The following AGAP1 variants were observed in gnomAD, a reference collection of about 807,000 sequenced individuals.
AGAP1 encodes the protein arf-GAP with GTPase, ANK repeat and PH domain-containing protein 1.
A neutral mutation model predicts 105.3 loss-of-function variants in AGAP1; 29 were observed. The ratio of observed to expected loss-of-function variants is 0.28; its 90% CI spans 0.21 to 0.38. AGAP1 has a LOEUF of 0.38. AGAP1 is among the 10% of genes least tolerant of loss of function. The pLI is 1.00. For synonymous variants in AGAP1, 509 were observed against 485.9 expected, an observed-to-expected ratio of 1.05 and a Z score of -0.63; for missense variants, 998 against 1,165.1, an observed-to-expected ratio of 0.86 and a Z score of 2.09.
At chr2:235,903,175 A>G (rs1019976110) in intron 10 of AGAP1, among the ~76,000 whole-genome samples, 7 of 152,218 alleles carry the variant, frequency 4.6e-5, no homozygotes, top group Admixed American at 3.9e-4. Flanking sequence ...ATACATGTAC[A>G]GTTATAAACT....
chr2:235,530,622 C>T (rs1301268805), intron 1 of AGAP1, among the ~76,000 whole-genome samples: 6 of 152,164 alleles, frequency 3.9e-5, no homozygotes, highest in African/African-American at 9.7e-5. Context: ...TAGCATCTTC[C>T]GATCTCTTCT....
chr2:236,041,952 C>T (rs1285453991), intron 15 of AGAP1, among the ~76,000 whole-genome samples: 1 of 152,106 alleles, frequency 6.6e-6, no homozygotes, highest in Non-Finnish European at 1.5e-5. Flanking sequence ...AAGGGAGTGG[C>T]TTGAGGAGAG....
chr2:235,823,699 T>A (rs915596934), intron 9 of AGAP1, among the ~76,000 whole-genome samples: 2 of 152,226 alleles, frequency 1.3e-5, no homozygotes, highest in Admixed American at 6.5e-5. Context: ...CCAGATATTT[T>A]TATTGTATTG....
intron 13 of AGAP1, among the ~76,000 whole-genome samples, chr2:236,011,598 A>C (rs375140606): frequency 1.3e-5 from 2 of 152,216 alleles, no homozygotes; most frequent in East Asian, 3.8e-4. Flanking sequence ...TTTTTGTTTA[A>C]TAACAGGTGA....
chr2:235,803,001 ATGGTTGTGGTTGTGATGGTGG>A (rs1957623546), intron 8 of AGAP1, among the ~76,000 whole-genome samples: 5 of 53,982 alleles, frequency 9.3e-5, no homozygotes, highest in East Asian at 6.2e-4. Flanking sequence ...GATGGTGGTG[ATGGTTGTGGTTGTGATGGTGG>A]TGATGGTTGT....
chr2:235,740,235 G>A lies in AGAP1; in HGVS notation c.311-728G>A, dbSNP rs148716812. Among the ~76,000 whole-genome samples, 126 of 152,158 alleles carry A rather than the reference G, an allele frequency of 8.3e-4. No individual in the cohort carries two copies. Among genetic ancestry groups the A allele is most frequent in the African/African-American group, 2.5e-3 (102 of 41,520 alleles). On this transcript the variant is annotated intron_variant, in intron 3 of 17. Transcript: ENST00000304032. The surrounding 1 kb of genome is among the most constrained non-coding windows in gnomAD (Gnocchi z 5.7). The stretch of plus-strand genomic sequence containing the variant: ...CCATCCCCTCCTGAGAGCATCAGGG[G>A]CCGGGACGTCCAAGGTAGCACCAGG...
chr2:235,933,808 G>A (rs1453628442), intron 12 of AGAP1, among the ~76,000 whole-genome samples: 1 of 152,190 alleles, frequency 6.6e-6, no homozygotes, highest in Non-Finnish European at 1.5e-5. Context: ...TGGGATTACA[G>A]GCATGAGCCA....
rs74798451 is a variant in AGAP1, at chr2:235,552,187, C to T, written c.163+57338C>T. Among the ~76,000 whole-genome samples the T allele has an allele frequency of 2.1e-3, 316 of 152,236 alleles. 4 individuals carry two copies. The highest frequency in any genetic ancestry group is 7.3e-3 in the African/African-American group (302 of 41,546). ...GTGTTCATTGCCCCGTAACTCTGGCCGCGGTAGTCTGGACAGGGCTTCTGA... is the reference window on the plus strand; with the variant it reads ...GTGTTCATTGCCCCGTAACTCTGGCTGCGGTAGTCTGGACAGGGCTTCTGA... On this transcript the variant is annotated intron_variant, in intron 1 of 17. Coordinates refer to ENST00000304032, the MANE Select transcript of AGAP1 (RefSeq NM_001037131.3). The surrounding 1 kb of genome is among the most constrained non-coding windows in gnomAD (Gnocchi z 5.9).
At chr2:236,008,953 A>G (rs921241322) in intron 13 of AGAP1, among the ~76,000 whole-genome samples, 6 of 152,196 alleles carry the variant, frequency 3.9e-5, no homozygotes, top group African/African-American at 9.7e-5. Flanking sequence ...CTTGCAAGAA[A>G]CTGATCACGG....
rs1364215337 is a variant in AGAP1, at chr2:235,961,604, T to C, written c.1484-6858T>C. The stretch of plus-strand genomic sequence containing the variant: ...TGGAGGTGTGCGGCCAAGGGAGAGT[T>C]GTGTTAAAAATGTGAGATGACAGGG... On this transcript the variant is annotated intron_variant, in intron 12 of 17. Transcript: ENST00000304032. This position sits in a 1 kb window ranked among gnomAD's most constrained non-coding sequence, Gnocchi z 5.9. Among the ~76,000 whole-genome samples, 1 of 151,954 alleles carries C rather than the reference T, an allele frequency of 6.6e-6. No homozygotes were observed. The highest frequency in any genetic ancestry group is 2.4e-5 in the African/African-American group (1 of 41,354).
chr2:235,979,083 C>CTT lies in AGAP1; in HGVS notation c.1645+10464_1645+10465dup, dbSNP rs141792478. Among the ~76,000 whole-genome samples the CTT allele has an allele frequency of 3.6e-4, 53 of 146,002 alleles. No homozygotes were observed. The highest frequency in any genetic ancestry group is 1.4e-3 in the African/African-American group (51 of 37,454). ...TTCTGTTCATTTTAAGATTGATATGCTTTTTCTTTTTTTGGATGACAGAAG... is the reference window on the plus strand; with the variant it reads ...TTCTGTTCATTTTAAGATTGATATGCTTTTTTTCTTTTTTTGGATGACAGAAG... On this transcript the variant is annotated intron_variant, in intron 13 of 17. Transcript: ENST00000304032. This position sits in a 1 kb window ranked among gnomAD's most constrained non-coding sequence, Gnocchi z 4.5.
intron 9 of AGAP1, among the ~76,000 whole-genome samples, chr2:235,819,609 G>C (rs1020615118): frequency 7.2e-5 from 11 of 152,132 alleles, no homozygotes; most frequent in Non-Finnish European, 1.6e-4. Context: ...TGAGGCCCGT[G>C]TCAGATGCCT....
chr2:235,845,612 C>A lies in AGAP1; in HGVS notation c.1051-37733C>A, dbSNP rs56849698. On this transcript the variant is annotated intron_variant, in intron 9 of 17. Transcript: ENST00000304032. This position sits in a 1 kb window ranked among gnomAD's most constrained non-coding sequence, Gnocchi z 4.8. ...GTTATTCCTTTCCTGACCCCCCCCC[C>A]GATCTGCTTTTTAATTTCTCAGTGT... 0.75 allele frequency among the ~76,000 whole-genome samples: 111,080 copies of A among 149,064 alleles called. 41,295 individuals carry two copies. Among genetic ancestry groups the A allele is most frequent in the East Asian group, 0.99 (5,051 of 5,114 alleles).
chr2:235,602,993 T>C (rs1054574941), intron 1 of AGAP1, among the ~76,000 whole-genome samples: 2 of 152,288 alleles, frequency 1.3e-5, no homozygotes, highest in Admixed American at 6.5e-5. Flanking sequence ...TGAGCCACCG[T>C]GCCTGGCCCA....
rs562330275 is a variant in AGAP1 at position 235,988,693 on chromosome 2, G to T, written c.1645+20070G>T. On this transcript the variant is annotated intron_variant, in intron 13 of 17. Coordinates refer to ENST00000304032, the MANE Select transcript of AGAP1 (RefSeq NM_001037131.3). The surrounding 1 kb of genome is among the most constrained non-coding windows in gnomAD (Gnocchi z 4.7). Reference sequence around the variant, plus strand: ...TGGGTAAATGGAATCTTAAAGACGAGAAATGATTATTTTTTTCCCGCCGAC... The same window carrying T: ...TGGGTAAATGGAATCTTAAAGACGATAAATGATTATTTTTTTCCCGCCGAC... Among the ~76,000 whole-genome samples, 30 of 152,274 alleles carry T rather than the reference G, an allele frequency of 2.0e-4. No individual in the cohort carries two copies. The East Asian group carries it at 5.8e-3, about 29-fold the overall frequency.
chr2:236,114,515 C>G lies in AGAP1; in HGVS notation c.2115-5677C>G, dbSNP rs779083847. Among the ~76,000 whole-genome samples, 1 of 152,174 alleles carries G rather than the reference C, an allele frequency of 6.6e-6. No individual in the cohort carries two copies. The highest frequency in any genetic ancestry group is 1.5e-5 in the Non-Finnish European group (1 of 68,032). On this transcript the variant is annotated intron_variant, in intron 16 of 17. Transcript: ENST00000304032. This position sits in a 1 kb window ranked among gnomAD's most constrained non-coding sequence, Gnocchi z 5.0. ...GGGTGGCTTAAGTGCGGGACATTCA[C>G]GTCTCACAGTTCTGGAGGCTGGAAG...
rs912415418 is a variant in AGAP1 at position 236,000,169 on chromosome 2, C to T, written c.1645+31546C>T. Among the ~76,000 whole-genome samples, 44 of 152,134 alleles carry T rather than the reference C, an allele frequency of 2.9e-4. No individual in the cohort carries two copies. Among genetic ancestry groups the T allele is most frequent in the African/African-American group, 8.0e-4 (33 of 41,418 alleles). ...AACATCACTGGAGAGCTGCATATTACGTTGTTATTTTTGTCTTTCCAATTA... is the reference window on the plus strand; with the variant it reads ...AACATCACTGGAGAGCTGCATATTATGTTGTTATTTTTGTCTTTCCAATTA... On this transcript the variant is annotated intron_variant, in intron 13 of 17. Transcript: ENST00000304032. This position sits in a 1 kb window ranked among gnomAD's most constrained non-coding sequence, Gnocchi z 4.3.
rs1952326093 is a variant in AGAP1, at chr2:235,737,617, A to G, written c.311-3346A>G. 1.3e-5 allele frequency among the ~76,000 whole-genome samples: 2 copies of G among 152,176 alleles called. No individual in the cohort carries two copies. Among genetic ancestry groups the G allele is most frequent in the South Asian group, 2.1e-4 (1 of 4,820 alleles). On this transcript the variant is annotated intron_variant, in intron 3 of 17. Coordinates refer to ENST00000304032, the MANE Select transcript of AGAP1 (RefSeq NM_001037131.3). The surrounding 1 kb of genome is among the most constrained non-coding windows in gnomAD (Gnocchi z 4.5). The stretch of plus-strand genomic sequence containing the variant: ...TGACTCTGCAAAAACATGTTAGAGG[A>G]AGCAAAGGAGAGGATGGACGTGAAA...
chr2:235,561,740 G>A (rs904583741), intron 1 of AGAP1, among the ~76,000 whole-genome samples: 3 of 152,178 alleles, frequency 2.0e-5, no homozygotes, highest in Non-Finnish European at 2.9e-5. Context: ...GATTAGAACT[G>A]TAATTGACTT....
Sources: gnomAD v4.1 joint callset for allele counts (sites outside exome capture counted in the v4.1 genomes callset) on GRCh38, gnomAD v4.1.1 for gene constraint, Gnocchi (gnomAD v3.1) non-coding constraint, MANE v1.5 for transcripts, NCBI Gene and HGNC (gene_info 2026-07-23, HGNC 2026-07-21) for gene names.